Variants in TMCO4 observed in about 807,000 individuals in gnomAD.
TMCO4 encodes transmembrane and coiled-coil domain-containing protein 4.
In TMCO4, 58 loss-of-function variants were observed where a neutral mutation model predicts 64.7. The ratio of observed to expected loss-of-function variants is 0.90; its 90% CI spans 0.73 to 1.12. The LOEUF (loss-of-function observed/expected upper bound fraction) is 1.12. Ranked by LOEUF, TMCO4 falls within the 50% of genes most tolerant of loss-of-function variation. The pLI is 0.00. For missense variants in TMCO4, 780 were observed against 825.9 expected (o/e 0.94, Z 0.68); for synonymous variants, 325 against 346.1 (o/e 0.94, Z 0.68).
At chr1:19,774,136 T>C (rs2043106208) in intron 4 of TMCO4, among the ~76,000 whole-genome samples, 1 of 152,202 alleles carries the variant, frequency 6.6e-6, no homozygotes, top group South Asian at 2.1e-4. Flanking sequence ...TGGGATTACC[T>C]TGGGGTGGTA....
intron 2 of TMCO4, among the ~76,000 whole-genome samples, chr1:19,797,458 C>G (rs1360351935): frequency 6.6e-6 from 1 of 151,924 alleles, no homozygotes; most frequent in Non-Finnish European, 1.5e-5. Context: ...GGGTGGCATG[C>G]CTGGGCACAG....
intron 14 of TMCO4, among the ~76,000 whole-genome samples, chr1:19,699,129 G>A (rs1452086388): frequency 6.6e-6 from 1 of 151,882 alleles, no homozygotes; most frequent in Non-Finnish European, 1.5e-5. Flanking sequence ...CTGGGGGGTG[G>A]AGCTTGCAGT....
At position 19,746,341 on chromosome 1, in the gene TMCO4, G is replaced by A. The variant is rs914908073; in HGVS notation, c.757+115C>T. The stretch of plus-strand genomic sequence containing the variant: ...TGGGACCCAGAGTGAGAAAAGCCAC[G>A]TCTCCTCTGTCTCCCAGGGAGTCAC... On this transcript the variant is annotated intron_variant, in intron 9 of 15. Coordinates refer to ENST00000294543, the MANE Select transcript of TMCO4 (RefSeq NM_181719.7). 29 of 1,457,988 alleles carry A rather than the reference G, an allele frequency of 2.0e-5. No homozygotes were observed. The African/African-American group carries it at 2.4e-4, about 12-fold the overall frequency. 90.3% of individuals were successfully genotyped at this position (1,457,988 alleles called of 1,614,324 possible).
chr1:19,713,290 G>A (rs1004626661), intron 13 of TMCO4, among the ~76,000 whole-genome samples: 63 of 152,160 alleles, frequency 4.1e-4, no homozygotes, highest in African/African-American at 1.5e-3. Flanking sequence ...TACACAATAT[G>A]TCTGAAACAC....
At chr1:19,757,747 A>G (rs905305931) in intron 6 of TMCO4, among the ~76,000 whole-genome samples, 5 of 152,148 alleles carry the variant, frequency 3.3e-5, no homozygotes, top group Non-Finnish European at 7.3e-5. Flanking sequence ...AAGCTTAGTC[A>G]TCTGTTTTTC....
intron 10 of TMCO4, among the ~76,000 whole-genome samples, chr1:19,741,913 A>C (rs1434417668): frequency 6.6e-6 from 1 of 150,758 alleles, no homozygotes; most frequent in Non-Finnish European, 1.5e-5. Context: ...ATTTTTGTGT[A>C]TTTTCAGTAG....
chr1:19,716,866 G>A (rs1417345718), intron 13 of TMCO4, among the ~76,000 whole-genome samples: 1 of 152,286 alleles, frequency 6.6e-6, no homozygotes, highest in Non-Finnish European at 1.5e-5. Flanking sequence ...GGAGCCGCCA[G>A]CCTCAAGGAA....
chr1:19,747,010 T>C (rs1205005374), intron 8 of TMCO4, among the ~76,000 whole-genome samples, 153 bp downstream of exon 8: 1 of 150,860 alleles, frequency 6.6e-6, no homozygotes, highest in Non-Finnish European at 1.5e-5. Context: ...CTGACAGTGC[T>C]GATGAGCACA....
rs116721095 is a variant in TMCO4, at chr1:19,721,336, G to C, written c.1264+16036C>G. ...CCACAGAAACTTCAGCAGAGAATTTGTTTCCCTGGAGCTTAGGCAGACAGT... is the reference window on the plus strand; with the variant it reads ...CCACAGAAACTTCAGCAGAGAATTTCTTTCCCTGGAGCTTAGGCAGACAGT... On this transcript the variant is annotated intron_variant, in intron 13 of 15. Coordinates refer to ENST00000294543, the MANE Select transcript of TMCO4 (RefSeq NM_181719.7). Among the ~76,000 whole-genome samples, 808 of 152,280 alleles carry C rather than the reference G, an allele frequency of 5.3e-3. 4 individuals are homozygous for C. The highest frequency in any genetic ancestry group is 0.018 in the African/African-American group (760 of 41,542).
chr1:19,683,187 T>C lies in TMCO4; in HGVS notation c.1758A>G (p.Val586=). The stretch of plus-strand genomic sequence containing the variant: ...AGGCCCCTTCAGACTGGTCCAGCCC[T>C]ACTGGCACCTGGGCTTGGCTGGGGT... ...STDPSQAQVP[V]GLDQSEGASL... The change falls in exon 16 of 16, where the codon GTA becomes GTG. Residue 586 remains valine (V), a synonymous_variant. Transcript: ENST00000294543. The C allele has an allele frequency of 6.2e-7, 1 of 1,614,248 alleles. No homozygotes were observed. Among genetic ancestry groups the C allele is most frequent in the Non-Finnish European group, 8.5e-7 (1 of 1,180,036 alleles).
In TMCO4 at chr1:19,683,337, G is replaced by T; in HGVS notation, c.1608C>A (p.Gly536=). The change falls in exon 16 of 16, where the codon GGC becomes GGA. Residue 536 remains glycine, a synonymous_variant. Transcript: ENST00000294543. The part of the protein sequence containing the change: ...WDEKGLLLAP[G]CLPSEEPRQA... ...GGCGAGGCTCCTCGGAGGGCAGGCAGCCTGGGGCCAGCAAGAGCCCCTTCT... is the reference window on the plus strand; with the variant it reads ...GGCGAGGCTCCTCGGAGGGCAGGCATCCTGGGGCCAGCAAGAGCCCCTTCT... 2 of 1,614,002 alleles carry T rather than the reference G, an allele frequency of 1.2e-6. No individual in the cohort carries two copies. The highest frequency in any genetic ancestry group is 2.2e-5 in the East Asian group (1 of 44,888).
At chr1:19,697,604 T>C (rs2095245236) in intron 14 of TMCO4, among the ~76,000 whole-genome samples, 2 of 149,446 alleles carry the variant, frequency 1.3e-5, no homozygotes, top group Non-Finnish European at 3.0e-5. Context: ...TGGTTAACTT[T>C]TGTATTTTTT....
intron 13 of TMCO4, among the ~76,000 whole-genome samples, chr1:19,735,773 G>C (rs2095451362): frequency 6.6e-6 from 1 of 152,230 alleles, no homozygotes; most frequent in African/African-American, 2.4e-5. Context: ...CATGCCCTCT[G>C]AATGAAGAAT....
At chr1:19,723,491 C>T (rs549096139) in intron 13 of TMCO4, among the ~76,000 whole-genome samples, 1 of 152,256 alleles carries the variant, frequency 6.6e-6, no homozygotes, top group East Asian at 1.9e-4. Context: ...GCTTAGGTGG[C>T]GTTGAAGTGA....
At chr1:19,765,048 T>C (rs548477348) in intron 6 of TMCO4, among the ~76,000 whole-genome samples, 15 of 152,202 alleles carry the variant, frequency 9.9e-5, no homozygotes, top group African/African-American at 3.6e-4. Context: ...CAAGTGTGTG[T>C]GCCTCCTGCA....
chr1:19,725,849 C>T (rs546209457), intron 13 of TMCO4, among the ~76,000 whole-genome samples: 9 of 152,284 alleles, frequency 5.9e-5, no homozygotes, highest in African/African-American at 1.9e-4. Flanking sequence ...TGGAATGGAG[C>T]GGGCCGAGCA....
intron 13 of TMCO4, among the ~76,000 whole-genome samples, chr1:19,719,814 A>T (rs548109621): frequency 1.5e-4 from 23 of 152,140 alleles, no homozygotes; most frequent in Non-Finnish European, 2.5e-4. Context: ...CTAACATGGC[A>T]AAACCCCGTC....
intron 15 of TMCO4, among the ~76,000 whole-genome samples, chr1:19,684,063 C>CTTTTTTTT (rs3048209): frequency 5.7e-5 from 4 of 70,308 alleles, no homozygotes; most frequent in African/African-American, 1.4e-4. Context: ...TGCCCGGCAG[C>CTTTTTTTT]TTTTTTTTTT....
intron 13 of TMCO4, among the ~76,000 whole-genome samples, chr1:19,712,075 G>C (rs1367540008): frequency 6.6e-6 from 1 of 152,184 alleles, no homozygotes; most frequent in Non-Finnish European, 1.5e-5. Context: ...GGGATTACAG[G>C]CATGAGCCAC....
Sources: allele counts gnomAD v4.1 joint callset (sites outside exome capture counted in the v4.1 genomes callset), GRCh38; gene constraint gnomAD v4.1.1; transcripts MANE v1.5; gene names NCBI Gene and HGNC (gene_info 2026-07-23, HGNC 2026-07-21).